SLC25A13: variants seen among roughly 807,000 people sequenced by gnomAD.
SLC25A13 encodes the protein electrogenic aspartate/glutamate antiporter SLC25A13, mitochondrial.
Under a neutral mutation model 85.5 loss-of-function variants are expected in SLC25A13, and 70 were observed. The ratio of observed to expected loss-of-function variants is 0.82; its 90% confidence interval spans 0.68 to 1.00. The LOEUF is 1.00. Among genes scored for constraint, SLC25A13 ranks in the 50% least tolerant of loss-of-function variants. SLC25A13 has a pLI of 0.00. For missense variants in SLC25A13, 765 were observed against 819.8 expected, an observed-to-expected ratio of 0.93 and a Z score of 0.82; for synonymous variants, 259 against 288.7, an observed-to-expected ratio of 0.90 and a Z score of 1.04.
chr7:96,238,208 T>C (rs1346633511), intron 3 of SLC25A13, among the ~76,000 whole-genome samples: 1 of 151,862 alleles, frequency 6.6e-6, no homozygotes, highest in African/African-American at 2.4e-5. Flanking sequence ...GAAAACCAAG[T>C]AAAGATGAAC....
rs573064603 is a variant in SLC25A13 at position 96,159,112 on chromosome 7, G to A, written c.1311+10933C>T. Among the ~76,000 whole-genome samples the A allele has an allele frequency of 9.2e-5, 14 of 152,312 alleles. No individual in the cohort carries two copies. The South Asian group carries it at 1.9e-3, about 20-fold the overall frequency. On this transcript the variant is annotated intron_variant, in intron 13 of 17. Coordinates refer to ENST00000265631, the MANE Select transcript of SLC25A13 (RefSeq NM_014251.3). ...CTCACAAAGAAGCTGGCAAAGATGAGGTGGCATGAGGTCGGAAGGCCACTC... is the reference window on the plus strand; with the variant it reads ...CTCACAAAGAAGCTGGCAAAGATGAAGTGGCATGAGGTCGGAAGGCCACTC...
rs138189766 is a variant in SLC25A13 at position 96,289,482 on chromosome 7, C to T, written c.69+7416G>A. ...TCCGAGCTAAAGGAGGAAGTTCGAA[C>T]CCAAAGCAAAGAAGCTAAAAACCTT... On this transcript the variant is annotated intron_variant, in intron 2 of 17. Coordinates refer to ENST00000265631, the MANE Select transcript of SLC25A13 (RefSeq NM_014251.3). 9.6e-3 allele frequency among the ~76,000 whole-genome samples: 1,453 copies of T among 152,144 alleles called. 17 individuals are homozygous for T. Among genetic ancestry groups the T allele is most frequent in the African/African-American group, 0.033 (1,351 of 41,482 alleles).
chr7:96,191,498 G>A (rs901531595), intron 6 of SLC25A13, among the ~76,000 whole-genome samples: 2 of 152,128 alleles, frequency 1.3e-5, no homozygotes, highest in African/African-American at 4.8e-5. Flanking sequence ...ACATGTGTAG[G>A]ATTATAACAG....
chr7:96,297,969 T>C (rs1207130040), intron 1 of SLC25A13, among the ~76,000 whole-genome samples: 1 of 152,118 alleles, frequency 6.6e-6, no homozygotes, highest in East Asian at 1.9e-4. Flanking sequence ...CAACATGGCT[T>C]CCTCAGGCCA....
At chr7:96,252,666 G>A (rs1246311400) in intron 3 of SLC25A13, among the ~76,000 whole-genome samples, 1 of 152,128 alleles carries the variant, frequency 6.6e-6, no homozygotes, top group Admixed American at 6.5e-5. Context: ...AGTGAGTATT[G>A]CAAAAAGGGG....
intron 3 of SLC25A13, among the ~76,000 whole-genome samples, chr7:96,266,098 G>C (rs571263366): frequency 6.6e-6 from 1 of 152,338 alleles, no homozygotes; most frequent in Admixed American, 6.5e-5. Context: ...CTTATTTGCT[G>C]TTAAGACACC....
chr7:96,283,663 T>C (rs1035736882), intron 2 of SLC25A13: 31 of 292,640 alleles, frequency 1.1e-4, no homozygotes, highest in Non-Finnish European at 1.8e-4. Context: ...AGAGCTGAGA[T>C]AGCTTCCTGA....
At chr7:96,289,509 A>G (rs1195198206) in intron 2 of SLC25A13, among the ~76,000 whole-genome samples, 1 of 152,194 alleles carries the variant, frequency 6.6e-6, no homozygotes, top group Non-Finnish European at 1.5e-5. Context: ...AAAAACCTTG[A>G]AAAAAAGATT....
At chr7:96,263,111 T>C (rs920188266) in intron 3 of SLC25A13, among the ~76,000 whole-genome samples, 19 of 150,740 alleles carry the variant, frequency 1.3e-4, no homozygotes, top group African/African-American at 4.6e-4. Flanking sequence ...AAGTTGCCCC[T>C]CTCCAAGCTT....
At chr7:96,259,619 C>T (rs773579269) in intron 3 of SLC25A13, among the ~76,000 whole-genome samples, 6 of 152,044 alleles carry the variant, frequency 3.9e-5, no homozygotes, top group Non-Finnish European at 8.8e-5. Context: ...GAGTGTAAAT[C>T]ACTTCAACCA....
chr7:96,227,892 T>G (rs772463843), intron 4 of SLC25A13, among the ~76,000 whole-genome samples: 6 of 152,292 alleles, frequency 3.9e-5, no homozygotes, highest in Non-Finnish European at 7.4e-5. Context: ...GAGCCAGAGT[T>G]TCGCTCTTGT....
At chr7:96,283,978 G>C (rs746945292) in intron 2 of SLC25A13, among the ~76,000 whole-genome samples, 9 of 152,072 alleles carry the variant, frequency 5.9e-5, no homozygotes, top group Non-Finnish European at 1.3e-4. Flanking sequence ...AAGATGTGAG[G>C]TAACTTACTG....
rs1297839783 is a variant in SLC25A13 at position 96,233,326 on chromosome 7, ATTAC to A, written c.328+1472_328+1475del. 9.2e-5 allele frequency among the ~76,000 whole-genome samples: 14 copies of A among 152,346 alleles called. 2 individuals are homozygous for A. Among genetic ancestry groups the A allele is most frequent in the African/African-American group, 2.6e-4 (11 of 41,578 alleles). The stretch of plus-strand genomic sequence containing the variant: ...AACACCATGAGCTAGCTGCTTACTC[ATTAC>A]TTGAAGATTTAAATGGGGACTTTCT... On this transcript the variant is annotated intron_variant, in intron 4 of 17. Coordinates refer to ENST00000265631, the MANE Select transcript of SLC25A13 (RefSeq NM_014251.3).
At chr7:96,149,418 G>GAACT (rs1792931323) in intron 13 of SLC25A13, among the ~76,000 whole-genome samples, 1 of 152,092 alleles carries the variant, frequency 6.6e-6, no homozygotes, top group South Asian at 2.1e-4. Flanking sequence ...AATAAAACAA[G>GAACT]AACTTACACT....
intron 2 of SLC25A13, among the ~76,000 whole-genome samples, chr7:96,293,978 C>T (rs954524599): frequency 6.6e-6 from 1 of 152,158 alleles, no homozygotes; most frequent in East Asian, 1.9e-4. Context: ...GGCACATGCA[C>T]ACGTATGTTT....
intron 1 of SLC25A13, among the ~76,000 whole-genome samples, chr7:96,320,680 G>C (rs1800308412): frequency 6.6e-6 from 1 of 152,148 alleles, no homozygotes; most frequent in African/African-American, 2.4e-5. Flanking sequence ...CACACACCCA[G>C]AGTACTTTCC....
intron 4 of SLC25A13, among the ~76,000 whole-genome samples, chr7:96,233,514 T>C (rs975703728): frequency 6.6e-6 from 1 of 152,234 alleles, no homozygotes; most frequent in Non-Finnish European, 1.5e-5. Context: ...AAGTATATAA[T>C]TTTTTGTCTT....
Position 96,179,358 on chromosome 7 carries a change from T to C in SLC25A13, c.1177+4919A>G, listed in dbSNP as rs78023719. ...ATTTTTGAGGTGTGGAACTAATTCATTCATTAACCTCTTCTCTAGGATACC... is the reference window on the plus strand; with the variant it reads ...ATTTTTGAGGTGTGGAACTAATTCACTCATTAACCTCTTCTCTAGGATACC... On this transcript the variant is annotated intron_variant, in intron 11 of 17. Transcript: ENST00000265631. 9.3e-3 allele frequency among the ~76,000 whole-genome samples: 1,416 copies of C among 152,360 alleles called. 24 individuals carry two copies. Among genetic ancestry groups the C allele is most frequent in the African/African-American group, 0.033 (1,361 of 41,586 alleles).
At chr7:96,293,570 G>A (rs1416979226) in intron 2 of SLC25A13, among the ~76,000 whole-genome samples, 1 of 152,008 alleles carries the variant, frequency 6.6e-6, no homozygotes, top group Non-Finnish European at 1.5e-5. Context: ...AAAGAACTCA[G>A]CCAAACTCAC....
Sources: allele counts gnomAD v4.1 joint callset (sites outside exome capture counted in the v4.1 genomes callset), GRCh38; gene constraint gnomAD v4.1.1; transcripts MANE v1.5; gene names NCBI Gene and HGNC (gene_info 2026-07-23, HGNC 2026-07-21).